Variants in HS6ST3 observed in about 807,000 individuals in gnomAD.
HS6ST3 encodes heparan sulfate 6-O-sulfotransferase 3.
A neutral mutation model predicts 36.7 loss-of-function variants in HS6ST3; 12 were observed. The observed-to-expected ratio is 0.33, with a 90% CI of 0.21 to 0.53. The LOEUF (loss-of-function observed/expected upper bound fraction) is 0.53, where lower values mean the gene tolerates loss of function less well. HS6ST3 is among the 20% of genes least tolerant of loss of function. HS6ST3 has a pLI of 0.95. For missense variants in HS6ST3, 584 were observed against 640.9 expected (o/e 0.91, Z 0.96); for synonymous variants, 240 against 257.5 (o/e 0.93, Z 0.65).
At chr13:96,113,422 A>G (rs912441918) in intron 1 of HS6ST3, among the ~76,000 whole-genome samples, 15 of 152,312 alleles carry the variant, frequency 9.8e-5, no homozygotes, top group Middle Eastern at 6.8e-3. Flanking sequence ...AAAGGCATTC[A>G]AACTGGTGGA....
intron 1 of HS6ST3, among the ~76,000 whole-genome samples, chr13:96,210,103 A>G (rs994525859): frequency 6.6e-6 from 1 of 151,966 alleles, no homozygotes; most frequent in South Asian, 2.1e-4. Context: ...TGGTTGAGAT[A>G]TTTTTTCCCC....
intron 1 of HS6ST3, among the ~76,000 whole-genome samples, chr13:96,575,712 A>G (rs545901667): frequency 3.7e-4 from 56 of 152,156 alleles, no homozygotes; most frequent in Non-Finnish European, 6.6e-4. Context: ...CATGTGACGT[A>G]TTTCCCCTTT....
At chr13:96,449,582 C>T (rs1257326873) in intron 1 of HS6ST3, among the ~76,000 whole-genome samples, 1 of 152,148 alleles carries the variant, frequency 6.6e-6, no homozygotes, top group Non-Finnish European at 1.5e-5. Context: ...CTCAAACAAT[C>T]AAATAAATTT....
intron 1 of HS6ST3, among the ~76,000 whole-genome samples, chr13:96,362,733 T>C (rs1464543241): frequency 6.6e-6 from 1 of 152,184 alleles, no homozygotes; most frequent in East Asian, 1.9e-4. Context: ...TACCCAAACC[T>C]GGACACAAAC....
At chr13:96,430,260 C>T (rs749591418) in intron 1 of HS6ST3, among the ~76,000 whole-genome samples, 1 of 152,190 alleles carries the variant, frequency 6.6e-6, no homozygotes, top group Non-Finnish European at 1.5e-5. Flanking sequence ...GTAATGCCTA[C>T]ATCTCGTAGG....
chr13:96,203,636 TC>T (rs1566286548), intron 1 of HS6ST3, among the ~76,000 whole-genome samples: 1 of 152,228 alleles, frequency 6.6e-6, no homozygotes, highest in Non-Finnish European at 1.5e-5. Flanking sequence ...TGGACTCCTT[TC>T]TGTGAGCTGA....
intron 1 of HS6ST3, among the ~76,000 whole-genome samples, chr13:96,640,630 C>T (rs1398586272): frequency 6.6e-6 from 1 of 151,946 alleles, no homozygotes; most frequent in African/African-American, 2.4e-5. Context: ...AATTCTTTCC[C>T]AAGGCCCATG....
intron 1 of HS6ST3, among the ~76,000 whole-genome samples, chr13:96,321,292 A>G (rs1441417615): frequency 6.6e-6 from 1 of 151,782 alleles, no homozygotes; most frequent in East Asian, 1.9e-4. Context: ...ATTCCCCTCA[A>G]TCCTTGAAGA....
intron 1 of HS6ST3, among the ~76,000 whole-genome samples, chr13:96,551,760 A>T (rs1321891629): frequency 1.4e-4 from 21 of 152,182 alleles, no homozygotes; most frequent in Admixed American, 1.3e-3. Flanking sequence ...ATCCTCGCCT[A>T]CTGCTCGTCA....
intron 1 of HS6ST3, among the ~76,000 whole-genome samples, chr13:96,771,991 G>A (rs1416876792): frequency 6.6e-6 from 1 of 152,134 alleles, no homozygotes; most frequent in African/African-American, 2.4e-5. Flanking sequence ...TTGTATCTTT[G>A]TTCTTTCATA....
intron 1 of HS6ST3, among the ~76,000 whole-genome samples, chr13:96,164,068 G>C (rs969009890): frequency 2.0e-5 from 3 of 152,094 alleles, no homozygotes; most frequent in Admixed American, 2.0e-4. Flanking sequence ...ATTGCAGTGA[G>C]GCCTTGTTCC....
At chr13:96,403,605 C>A (rs902743926) in intron 1 of HS6ST3, among the ~76,000 whole-genome samples, 1 of 151,982 alleles carries the variant, frequency 6.6e-6, no homozygotes, top group Non-Finnish European at 1.5e-5. Context: ...AAAAAAAATC[C>A]CCGTGAGAAT....
chr13:96,450,383 G>A lies in HS6ST3; in HGVS notation c.707+358814G>A, dbSNP rs545517800. ...TCATCTGAACAGAACATTGATGTTC[G>A]TGAAAAATCTCACTGTCGTTGACTT... On this transcript the variant is annotated intron_variant, in intron 1 of 1. Coordinates refer to ENST00000376705, the MANE Select transcript of HS6ST3 (RefSeq NM_153456.4). Among the ~76,000 whole-genome samples the A allele has an allele frequency of 2.7e-3, 406 of 152,208 alleles. 4 individuals are homozygous for A. The highest frequency in any genetic ancestry group is 9.6e-3 in the African/African-American group (398 of 41,534).
At chr13:96,584,724 T>C (rs1200624229) in intron 1 of HS6ST3, among the ~76,000 whole-genome samples, 1 of 152,178 alleles carries the variant, frequency 6.6e-6, no homozygotes, top group East Asian at 1.9e-4. Flanking sequence ...CCTGGAGAAA[T>C]GTAATAAAAA....
intron 1 of HS6ST3, among the ~76,000 whole-genome samples, chr13:96,209,280 G>C (rs1013506686): frequency 2.0e-5 from 3 of 152,156 alleles, no homozygotes; most frequent in Non-Finnish European, 4.4e-5. Flanking sequence ...TTAGAACAAG[G>C]TGTCTCAACT....
intron 1 of HS6ST3, among the ~76,000 whole-genome samples, chr13:96,528,210 CT>C (rs886781171): frequency 2.0e-5 from 3 of 152,168 alleles, no homozygotes; most frequent in African/African-American, 7.2e-5. Flanking sequence ...GAATTGTAAG[CT>C]TTACTTGCCG....
intron 1 of HS6ST3, among the ~76,000 whole-genome samples, chr13:96,792,802 A>C (rs141976138): frequency 2.0e-5 from 3 of 152,074 alleles, no homozygotes; most frequent in Admixed American, 2.0e-4. Flanking sequence ...TTGACTAGAA[A>C]ATTTTGATTC....
At chr13:96,144,710 A>G (rs919373907) in intron 1 of HS6ST3, among the ~76,000 whole-genome samples, 1 of 151,558 alleles carries the variant, frequency 6.6e-6, no homozygotes, top group Non-Finnish European at 1.5e-5. Context: ...TTACATATGT[A>G]TACATGTGCC....
chr13:96,129,970 C>T (rs923844565), intron 1 of HS6ST3, among the ~76,000 whole-genome samples: 9 of 152,156 alleles, frequency 5.9e-5, no homozygotes, highest in African/African-American at 2.2e-4. Flanking sequence ...GGTACTTTGT[C>T]ATGCCAGCCC....
Sources: allele counts gnomAD v4.1 joint callset (sites outside exome capture counted in the v4.1 genomes callset), GRCh38; gene constraint gnomAD v4.1.1; transcripts MANE v1.5; gene names NCBI Gene and HGNC (gene_info 2026-07-23, HGNC 2026-07-21).